DLC1: variants seen among roughly 807,000 people sequenced by gnomAD.
DLC1 encodes DLC1 Rho GTPase activating protein.
Under a neutral mutation model 140.3 loss-of-function variants are expected in DLC1, and 54 were observed. The ratio of observed to expected loss-of-function variants is 0.38; its 90% CI spans 0.31 to 0.48. The LOEUF (loss-of-function observed/expected upper bound fraction) is 0.48. Among genes scored for constraint, DLC1 ranks in the 20% least tolerant of loss-of-function variants. DLC1 has a pLI of 0.96. For synonymous variants in DLC1, 986 were observed against 728.1 expected, an observed-to-expected ratio of 1.35 and a Z score of -5.70; for missense variants, 2,536 against 1,907.0, an observed-to-expected ratio of 1.33 and a Z score of -6.14.
At chr8:13,478,325 C>T (rs1305009862) in intron 2 of DLC1, among the ~76,000 whole-genome samples, 1 of 152,170 alleles carries the variant, frequency 6.6e-6, no homozygotes, top group Non-Finnish European at 1.5e-5. Context: ...CACTCACTAT[C>T]ACCAAGGCAT....
intron 5 of DLC1, among the ~76,000 whole-genome samples, chr8:13,232,047 T>C (rs112037442): frequency 4.1e-4 from 62 of 152,290 alleles, no homozygotes; most frequent in African/African-American, 1.4e-3. Context: ...GCTTCTCAGT[T>C]CTTTGGTCAG....
chr8:13,542,355 C>A (rs561838464), intron 1 of DLC1, among the ~76,000 whole-genome samples: 4 of 152,292 alleles, frequency 2.6e-5, no homozygotes, highest in Non-Finnish European at 5.9e-5. Flanking sequence ...ATTAAATTGA[C>A]CATATGCGTA....
chr8:13,321,553 AAAAAAAAAAAAAAG>A (rs1362692193), intron 4 of DLC1, among the ~76,000 whole-genome samples: 1 of 150,524 alleles, frequency 6.6e-6, no homozygotes, highest in Non-Finnish European at 1.5e-5. Context: ...GAAAAAAAAA[AAAAAAAAAAAAAAG>A]AAACCTAAAC....
intron 1 of DLC1, among the ~76,000 whole-genome samples, chr8:13,564,719 G>A (rs1039984692): frequency 6.6e-6 from 1 of 152,156 alleles, no homozygotes; most frequent in Non-Finnish European, 1.5e-5. Flanking sequence ...TTCTGGGGTT[G>A]GCCTTATAGC....
chr8:13,555,770 A>C (rs552667579), intron 1 of DLC1, among the ~76,000 whole-genome samples: 6 of 151,820 alleles, frequency 4.0e-5, no homozygotes, highest in African/African-American at 1.5e-4. Context: ...CCAAAGTGCT[A>C]GGATTACAGG....
rs774804174 is a variant in DLC1, at chr8:13,102,818, T to C, written c.1538A>G (p.Lys513Arg). The change falls in exon 8 of 18, where the codon AAG (lysine) becomes AGG (arginine). Residue 513 changes from lysine to arginine, a missense_variant. Coordinates refer to ENST00000276297, the MANE Select transcript of DLC1 (RefSeq NM_182643.3). Reference protein sequence around the residue: ...LNTLNKCAVMKLEISPHRKRS... With the variant: ...LNTLNKCAVMRLEISPHRKRS... ...TTTCCGATGAGGACTAATTTCTAGCTTCATCACCGCACATTTGTTTAAAGT... is the reference window on the plus strand; with the variant it reads ...TTTCCGATGAGGACTAATTTCTAGCCTCATCACCGCACATTTGTTTAAAGT... The C allele has an allele frequency of 1.9e-6, 3 of 1,614,070 alleles. No individual in the cohort carries two copies. Among genetic ancestry groups the C allele is most frequent in the Non-Finnish European group, 2.5e-6 (3 of 1,179,990 alleles).
rs142424036 is a variant in DLC1, at chr8:13,252,504, G to A, written c.1348+52765C>T. On this transcript the variant is annotated intron_variant, in intron 5 of 17. Coordinates refer to ENST00000276297, the MANE Select transcript of DLC1 (RefSeq NM_182643.3). ...TGTTGCTGTTATAGGCTGTTAATAC[G>A]GTCATATGGTTTAGAATAAGGGAAG... Among the ~76,000 whole-genome samples the A allele has an allele frequency of 3.3e-5, 5 of 152,114 alleles. No homozygotes were observed. In the East Asian group the frequency reaches 5.8e-4, roughly 18 times the overall value.
chr8:13,215,503 T>G (rs575044887), intron 5 of DLC1, among the ~76,000 whole-genome samples: 1 of 152,108 alleles, frequency 6.6e-6, no homozygotes, highest in Non-Finnish European at 1.5e-5. Flanking sequence ...GCAGGATCAC[T>G]TGAGCCCAGA....
At chr8:13,539,168 G>A (rs539974126) in intron 1 of DLC1, among the ~76,000 whole-genome samples, 1 of 135,882 alleles carries the variant, frequency 7.4e-6, no homozygotes, top group South Asian at 2.4e-4. Flanking sequence ...CAGTAGATCT[G>A]CAAATTGTAT....
At chr8:13,281,870 C>G (rs1445124452) in intron 5 of DLC1, among the ~76,000 whole-genome samples, 3 of 152,204 alleles carry the variant, frequency 2.0e-5, no homozygotes, top group African/African-American at 4.8e-5. Flanking sequence ...GCTAAGATCT[C>G]TACCTGAGCT....
chr8:13,309,092 T>G (rs550717537), intron 4 of DLC1, among the ~76,000 whole-genome samples: 1 of 152,320 alleles, frequency 6.6e-6, no homozygotes, highest in South Asian at 2.1e-4. Flanking sequence ...AAAAGGCATA[T>G]TTTTGAATCC....
chr8:13,140,005 C>G (rs1315297842), intron 5 of DLC1, among the ~76,000 whole-genome samples: 2 of 152,128 alleles, frequency 1.3e-5, no homozygotes, highest in Non-Finnish European at 2.9e-5. Context: ...TTATCCATCT[C>G]CAGAACTTTT....
chr8:13,504,935 G>A (rs1269128247), intron 1 of DLC1, among the ~76,000 whole-genome samples: 1 of 152,082 alleles, frequency 6.6e-6, no homozygotes, highest in Non-Finnish European at 1.5e-5. Context: ...AAGTCCAGTG[G>A]TCAATCATTT....
intron 1 of DLC1, among the ~76,000 whole-genome samples, chr8:13,539,358 C>G (rs188718473): frequency 6.6e-6 from 1 of 152,242 alleles, no homozygotes; most frequent in African/African-American, 2.4e-5. Context: ...CGCCACCACA[C>G]CCAGCTAATT....
chr8:13,508,667 C>T (rs1469612853), intron 1 of DLC1, among the ~76,000 whole-genome samples: 10 of 152,138 alleles, frequency 6.6e-5, no homozygotes, highest in Non-Finnish European at 2.9e-5. Context: ...ATCTGCCCAC[C>T]TCGGCCTCCC....
At chr8:13,253,237 A>G (rs1442466092) in intron 5 of DLC1, among the ~76,000 whole-genome samples, 1 of 152,252 alleles carries the variant, frequency 6.6e-6, no homozygotes, top group Non-Finnish European at 1.5e-5. Flanking sequence ...AGATAAATTA[A>G]TAGACATAGA....
chr8:13,252,759 T>G lies in DLC1; in HGVS notation c.1348+52510A>C, dbSNP rs553812940. Among the ~76,000 whole-genome samples, 3 of 152,172 alleles carry G rather than the reference T, an allele frequency of 2.0e-5. No individual in the cohort carries two copies. The South Asian group carries it at 6.2e-4, about 32-fold the overall frequency. ...TGGAAAAATGAGCAAAAGATTTACG[T>G]CATGCTCCAAAGAACTGTTCCATTA... is the stretch of plus-strand genomic sequence containing the variant. On this transcript the variant is annotated intron_variant, in intron 5 of 17. Coordinates refer to ENST00000276297, the MANE Select transcript of DLC1 (RefSeq NM_182643.3).
intron 5 of DLC1, among the ~76,000 whole-genome samples, chr8:13,222,280 TC>T (rs1311449898): frequency 6.6e-6 from 1 of 152,208 alleles, no homozygotes; most frequent in Non-Finnish European, 1.5e-5. Flanking sequence ...CATTTTCAAT[TC>T]CTTCAGATTA....
At chr8:13,455,769 G>C (rs1041424250) in intron 2 of DLC1, among the ~76,000 whole-genome samples, 4 of 152,170 alleles carry the variant, frequency 2.6e-5, no homozygotes, top group African/African-American at 9.7e-5. Flanking sequence ...CCAGCACTTT[G>C]AGAGGCCAAG....
Sources: gnomAD v4.1 joint callset for allele counts (sites outside exome capture counted in the v4.1 genomes callset) on GRCh38, gnomAD v4.1.1 for gene constraint, MANE v1.5 for transcripts, NCBI Gene and HGNC (gene_info 2026-07-23, HGNC 2026-07-21) for gene names.